The following ZCCHC10 variants were observed in gnomAD, a reference collection of about 807,000 sequenced individuals.
ZCCHC10 encodes the protein zinc finger CCHC domain-containing protein 10.
ZCCHC10 carries 16 observed loss-of-function variants against 19.5 expected under a neutral mutation model. That is an observed-to-expected ratio of 0.82 (90% CI 0.56 to 1.25). The LOEUF is 1.25. ZCCHC10 is among the 50% of genes most tolerant of loss of function. The pLI, the probability that ZCCHC10 is intolerant of heterozygous loss-of-function variation, is 0.00. For missense variants in ZCCHC10, 197 were observed against 201.0 expected, an observed-to-expected ratio of 0.98 and a Z score of 0.12; for synonymous variants, 67 against 72.5, an observed-to-expected ratio of 0.92 and a Z score of 0.38.
intron 2 of ZCCHC10, among the ~76,000 whole-genome samples, chr5:133,022,112 A>G (rs1764352370): frequency 6.6e-6 from 1 of 152,184 alleles, no homozygotes; most frequent in African/African-American, 2.4e-5. Flanking sequence ...ATAACTTATA[A>G]ATGTTTAAAA....
chr5:133,025,503 CAAAA>C (rs74843776), intron 1 of ZCCHC10, among the ~76,000 whole-genome samples: 10 of 18,654 alleles, frequency 5.4e-4, no homozygotes, highest in East Asian at 4.8e-3. Context: ...GACTCCGCCT[CAAAA>C]AAAAAAAAAA....
At chr5:133,023,544 G>C (rs1298157440) in intron 1 of ZCCHC10, among the ~76,000 whole-genome samples, 1 of 150,502 alleles carries the variant, frequency 6.6e-6, no homozygotes, top group East Asian at 1.9e-4. Context: ...GGAGGCTGAA[G>C]TGGGCAGATT....
chr5:133,004,324 G>A (rs191202010), intron 3 of ZCCHC10, among the ~76,000 whole-genome samples: 74 of 151,642 alleles, frequency 4.9e-4, no homozygotes, highest in Middle Eastern at 3.4e-3. Flanking sequence ...ATGGGCATGC[G>A]CCACCACGTC....
intron 2 of ZCCHC10, among the ~76,000 whole-genome samples, chr5:133,015,684 A>G (rs1388643788): frequency 6.6e-6 from 1 of 152,222 alleles, no homozygotes; most frequent in Non-Finnish European, 1.5e-5. Flanking sequence ...GCCTTCAGAT[A>G]ACTGCTGCCC....
rs367773156 is a variant in ZCCHC10 at position 133,006,734 on chromosome 5, C to T, written c.269+25G>A. 102 of 1,567,342 alleles carry T rather than the reference C, an allele frequency of 6.5e-5. No individual in the cohort carries two copies. The African/African-American group carries it at 1.3e-3, about 19-fold the overall frequency. On this transcript the variant is annotated intron_variant, in intron 3 of 4. Coordinates refer to ENST00000509437, the MANE Select transcript of ZCCHC10 (RefSeq NM_001300816.3). ...CTATATACACATTAAAAAAATATTC[C>T]TTTGGATACCACATGTAAACCTACC... is the stretch of plus-strand genomic sequence containing the variant.
At chr5:133,001,629 G>A (rs1199412890) in intron 3 of ZCCHC10, among the ~76,000 whole-genome samples, 1 of 151,806 alleles carries the variant, frequency 6.6e-6, no homozygotes, top group Non-Finnish European at 1.5e-5. Flanking sequence ...CCTAACTTTT[G>A]TATTTTTTGT....
chr5:133,024,547 T>A (rs1452781123), intron 1 of ZCCHC10, among the ~76,000 whole-genome samples: 1 of 152,188 alleles, frequency 6.6e-6, no homozygotes, highest in Non-Finnish European at 1.5e-5. Context: ...AGAAATGGGA[T>A]CCTGGTGACA....
At chr5:133,016,604 G>A (rs1561550771) in intron 2 of ZCCHC10, among the ~76,000 whole-genome samples, 3 of 151,668 alleles carry the variant, frequency 2.0e-5, no homozygotes, top group African/African-American at 4.8e-5. Context: ...CACCACACCC[G>A]GCTAATTTTT....
intron 1 of ZCCHC10, among the ~76,000 whole-genome samples, chr5:133,024,253 T>G (rs1165235956): frequency 6.6e-6 from 1 of 152,236 alleles, no homozygotes; most frequent in Non-Finnish European, 1.5e-5. Context: ...CTGCATTCAT[T>G]TAACTCCTCT....
At chr5:133,011,283 A>T (rs974222447) in intron 2 of ZCCHC10, 1 of 151,886 alleles carries the variant, frequency 6.6e-6, no homozygotes, top group African/African-American at 2.4e-5. Flanking sequence ...CCTAAAAACT[A>T]CCAAATACCT....
intron 2 of ZCCHC10, among the ~76,000 whole-genome samples, chr5:133,016,268 G>A (rs1763913513): frequency 6.6e-6 from 1 of 151,980 alleles, no homozygotes; most frequent in African/African-American, 2.4e-5. Flanking sequence ...ACAGAGCTAG[G>A]GAACACACAC....
At chr5:133,013,679 G>T (rs1041183422) in intron 2 of ZCCHC10, among the ~76,000 whole-genome samples, 1 of 151,632 alleles carries the variant, frequency 6.6e-6, no homozygotes, top group African/African-American at 2.4e-5. Flanking sequence ...CCAAGATTGC[G>T]CCACTGCATT....
At chr5:133,023,019 T>A in intron 1 of ZCCHC10, 113 bp from the exon 2 acceptor site, 1 of 400,702 alleles carries the variant, frequency 2.5e-6, no homozygotes, top group Non-Finnish European at 4.4e-6. Flanking sequence ...AAAACAAGGT[T>A]TTTTAACTGA....
intron 1 of ZCCHC10, among the ~76,000 whole-genome samples, chr5:133,024,037 G>A (rs770258379): frequency 4.6e-5 from 7 of 152,002 alleles, no homozygotes; most frequent in South Asian, 4.2e-4. Flanking sequence ...TATGCCACAT[G>A]TTTGCTTCCC....
intron 2 of ZCCHC10, among the ~76,000 whole-genome samples, chr5:133,010,958 G>A (rs1763465572): frequency 6.6e-6 from 1 of 151,310 alleles, no homozygotes; most frequent in Non-Finnish European, 1.5e-5. Context: ...CACCCAGCTA[G>A]TTTTTGTATT....
intron 2 of ZCCHC10, among the ~76,000 whole-genome samples, chr5:133,018,861 G>A (rs1381891421): frequency 1.3e-5 from 2 of 152,118 alleles, no homozygotes; most frequent in Non-Finnish European, 2.9e-5. Flanking sequence ...CTCAGTAATC[G>A]TCTTTTCTTT....
chr5:133,004,642 C>T (rs1429550482), intron 3 of ZCCHC10, among the ~76,000 whole-genome samples: 2 of 152,064 alleles, frequency 1.3e-5, no homozygotes, highest in Non-Finnish European at 2.9e-5. Context: ...GTGCCCACCA[C>T]CACGCCCGGC....
chr5:133,005,792 T>C (rs966252895), intron 3 of ZCCHC10, among the ~76,000 whole-genome samples: 5 of 152,152 alleles, frequency 3.3e-5, no homozygotes, highest in Admixed American at 1.3e-4. Flanking sequence ...AGGAGACCAG[T>C]AGGCAAGTTC....
intron 2 of ZCCHC10, among the ~76,000 whole-genome samples, chr5:133,021,629 G>C (rs1041709838): frequency 1.3e-5 from 2 of 152,094 alleles, no homozygotes; most frequent in African/African-American, 4.8e-5. Flanking sequence ...CTCTGAAAAA[G>C]AGCAAAATCA....
Sources: gnomAD v4.1 joint callset for allele counts (sites outside exome capture counted in the v4.1 genomes callset) on GRCh38, gnomAD v4.1.1 for gene constraint, MANE v1.5 for transcripts, NCBI Gene and HGNC (gene_info 2026-07-23, HGNC 2026-07-21) for gene names.